Variants in NWD2 observed in about 807,000 individuals in gnomAD.
NWD2 encodes NACHT and WD repeat domain-containing protein 2.
Under a neutral mutation model 132.7 loss-of-function variants are expected in NWD2, and 37 were observed. That is an observed-to-expected ratio of 0.28 (90% CI 0.21 to 0.37). NWD2 has a LOEUF of 0.37. NWD2 is among the 10% of genes least tolerant of loss of function. The pLI is 1.00. For synonymous variants in NWD2, 705 were observed against 803.0 expected, an observed-to-expected ratio of 0.88 and a Z score of 2.06; for missense variants, 1,592 against 2,122.4, an observed-to-expected ratio of 0.75 and a Z score of 4.91.
chr4:37,403,525 C>T (rs939851671), intron 3 of NWD2, among the ~76,000 whole-genome samples: 12 of 152,202 alleles, frequency 7.9e-5, no homozygotes, highest in East Asian at 5.8e-4. Context: ...CCAGTGGAGA[C>T]GATTTCTGAG....
intron 1 of NWD2, among the ~76,000 whole-genome samples, chr4:37,278,491 T>G (rs1344764832): frequency 1.3e-5 from 2 of 152,218 alleles, no homozygotes; most frequent in East Asian, 3.9e-4. Flanking sequence ...TCAACCATAC[T>G]GGACAACAGC....
chr4:37,392,466 T>C (rs967652753), intron 3 of NWD2, among the ~76,000 whole-genome samples: 32 of 152,222 alleles, frequency 2.1e-4, no homozygotes, highest in East Asian at 1.7e-3. Context: ...TTTAGCAGCA[T>C]CTCATGGTGT....
At chr4:37,398,894 A>G (rs916084314) in intron 3 of NWD2, among the ~76,000 whole-genome samples, 6 of 152,190 alleles carry the variant, frequency 3.9e-5, no homozygotes, top group African/African-American at 9.6e-5. Flanking sequence ...AGAAACAACT[A>G]TATCAGAAAT....
intron 1 of NWD2, among the ~76,000 whole-genome samples, chr4:37,309,670 C>T (rs1718791235): frequency 6.6e-6 from 1 of 152,140 alleles, no homozygotes; most frequent in Admixed American, 6.5e-5. Flanking sequence ...GTAGGGCTCC[C>T]TTGCAGCTAG....
intron 1 of NWD2, among the ~76,000 whole-genome samples, chr4:37,315,853 G>C (rs926215691): frequency 6.6e-6 from 1 of 151,654 alleles, no homozygotes; most frequent in African/African-American, 2.4e-5. Context: ...TTCTTACTTG[G>C]TGCTCTGAGG....
chr4:37,344,679 G>A (rs1719597246), intron 2 of NWD2, among the ~76,000 whole-genome samples: 1 of 152,138 alleles, frequency 6.6e-6, no homozygotes, highest in Admixed American at 6.6e-5. Context: ...ATGCAAATAG[G>A]TGTGTATGGT....
chr4:37,332,522 C>A (rs1259525933), intron 2 of NWD2, among the ~76,000 whole-genome samples: 1 of 150,368 alleles, frequency 6.7e-6, no homozygotes, highest in Non-Finnish European at 1.5e-5. Context: ...GAGCCATGAT[C>A]TCCCCAAATG....
intron 3 of NWD2, among the ~76,000 whole-genome samples, chr4:37,395,646 T>C (rs1720774703): frequency 6.9e-6 from 1 of 145,502 alleles, no homozygotes. Context: ...CTCAGATCCA[T>C]TATGGGGAAG....
intron 1 of NWD2, among the ~76,000 whole-genome samples, chr4:37,287,857 A>T (rs1315561044): frequency 6.6e-6 from 1 of 152,232 alleles, no homozygotes; most frequent in Non-Finnish European, 1.5e-5. Context: ...AGATACATGC[A>T]CACATATGTT....
At chr4:37,420,462 G>A (rs916761880) in intron 3 of NWD2, among the ~76,000 whole-genome samples, 1 of 152,162 alleles carries the variant, frequency 6.6e-6, no homozygotes, top group Non-Finnish European at 1.5e-5. Context: ...CAGGTGGGTG[G>A]ATCACGAGGT....
chr4:37,313,177 T>G (rs1220226327), intron 1 of NWD2, among the ~76,000 whole-genome samples: 1 of 151,174 alleles, frequency 6.6e-6, no homozygotes, highest in African/African-American at 2.5e-5. Context: ...CTTTTTCTGT[T>G]GATTTGAATA....
chr4:37,332,222 G>T (rs1018506979), intron 2 of NWD2, among the ~76,000 whole-genome samples: 1 of 152,152 alleles, frequency 6.6e-6, no homozygotes, highest in Non-Finnish European at 1.5e-5. Context: ...GGGAGTGCTT[G>T]CACTACCCCT....
rs188151970 is a variant in NWD2, at chr4:37,328,996, A to G, written c.240+2972A>G. Among the ~76,000 whole-genome samples, 482 of 152,192 alleles carry G rather than the reference A, an allele frequency of 3.2e-3. 1 individual carries two copies. Among genetic ancestry groups the G allele is most frequent in the South Asian group, 0.016 (75 of 4,818 alleles). On this transcript the variant is annotated intron_variant, in intron 2 of 6. Coordinates refer to ENST00000309447, the MANE Select transcript of NWD2 (RefSeq NM_001144990.2). ...TTCCTTGTCCTATAGTCCCTGGCAC[A>G]TTGGAAAATGCTATGAGAATTTGTT...
chr4:37,383,951 A>T (rs933177639), intron 3 of NWD2, among the ~76,000 whole-genome samples: 3 of 151,562 alleles, frequency 2.0e-5, no homozygotes, highest in African/African-American at 7.3e-5. Context: ...ACCCCTTTTT[A>T]TTTTTTTATT....
intron 1 of NWD2, among the ~76,000 whole-genome samples, chr4:37,278,162 C>A (rs892528226): frequency 6.6e-6 from 1 of 152,082 alleles, no homozygotes; most frequent in Non-Finnish European, 1.5e-5. Context: ...AAATCTTGCT[C>A]TAACTTTTAT....
chr4:37,433,911 A>C lies in NWD2; in HGVS notation c.597A>C (p.Thr199=). Reference sequence around the variant, plus strand: ...CTACCAATGCTGAAAACGAGAAGACATGGCAAGAGATATCAGATGAGATCA... The same window carrying C: ...CTACCAATGCTGAAAACGAGAAGACCTGGCAAGAGATATCAGATGAGATCA... The part of the protein sequence containing the change: ...QPSTNAENEK[T]WQEISDEIKK... The change falls in exon 5 of 7, where the codon ACA becomes ACC. Residue 199 remains threonine (T), a synonymous_variant. Transcript: ENST00000309447. 6.5e-7 allele frequency: 1 copy of C among 1,547,098 alleles called. No individual in the cohort carries two copies. The highest frequency in any genetic ancestry group is 1.2e-5 in the South Asian group (1 of 83,108).
chr4:37,365,868 G>A (rs1358334345), intron 3 of NWD2, among the ~76,000 whole-genome samples: 1 of 152,134 alleles, frequency 6.6e-6, no homozygotes, highest in Non-Finnish European at 1.5e-5. Flanking sequence ...AAAGTGGACG[G>A]GAGAGTACTC....
At chr4:37,369,660 C>T (rs1577681683) in intron 3 of NWD2, among the ~76,000 whole-genome samples, 1 of 152,128 alleles carries the variant, frequency 6.6e-6, no homozygotes, top group East Asian at 1.9e-4. Context: ...TTTAAACAAT[C>T]AAGGAAGGAG....
intron 1 of NWD2, among the ~76,000 whole-genome samples, chr4:37,257,032 G>C (rs1717534516): frequency 1.3e-5 from 2 of 152,140 alleles, no homozygotes; most frequent in African/African-American, 2.4e-5. Flanking sequence ...TCAGAGATTG[G>C]CCACTTCCAC....
Sources: gnomAD v4.1 joint callset for allele counts (sites outside exome capture counted in the v4.1 genomes callset) on GRCh38, gnomAD v4.1.1 for gene constraint, MANE v1.5 for transcripts, NCBI Gene and HGNC (gene_info 2026-07-23, HGNC 2026-07-21) for gene names.